NEUROD1: variants seen among roughly 807,000 people sequenced by gnomAD.
NEUROD1 encodes neuronal differentiation 1, also known as neurogenic differentiation factor 1.
In NEUROD1, 9 loss-of-function variants were observed where a neutral mutation model predicts 21.8. That is an observed-to-expected ratio of 0.41 (90% CI 0.25 to 0.72). The LOEUF (loss-of-function observed/expected upper bound fraction) is 0.72. Among genes scored for constraint, NEUROD1 ranks in the 30% least tolerant of loss-of-function variants. The pLI is 0.31. For synonymous variants in NEUROD1, 199 were observed against 186.2 expected, an observed-to-expected ratio of 1.07 and a Z score of -0.56; for missense variants, 434 against 468.8, an observed-to-expected ratio of 0.93 and a Z score of 0.69.
downstream of NEUROD1, among the ~76,000 whole-genome samples, chr2:181,671,596 A>G (rs1392914019): frequency 6.6e-6 from 1 of 151,792 alleles, no homozygotes; most frequent in African/African-American, 2.4e-5. Flanking sequence ...ATGCACCACT[A>G]GTTTTTGTAT....
In NEUROD1 at chr2:181,678,075, A is replaced by T. The variant is rs1308365461; in HGVS notation, c.786T>A (p.Thr262=). Reference sequence around the variant, plus strand: ...CATCAAAGGAAGGGCTGGTGCAATCAGTCAGAGGGCTTTCAAAGAAGGGCT... The same window carrying T: ...CATCAAAGGAAGGGCTGGTGCAATCTGTCAGAGGGCTTTCAAAGAAGGGCT... The part of the protein sequence containing the change: ...ALEPFFESPL[T]DCTSPSFDGP... The change falls in exon 2 of 2, where the codon ACT becomes ACA. Residue 262 remains threonine (T), a synonymous_variant. Transcript: ENST00000295108. This position sits in a 1 kb window ranked among gnomAD's most constrained non-coding sequence, Gnocchi z 5.5. 3.1e-6 allele frequency: 5 copies of T among 1,614,236 alleles called. No homozygotes were observed. Among genetic ancestry groups the T allele is most frequent in the South Asian group, 1.1e-5 (1 of 91,088 alleles).
downstream of NEUROD1, among the ~76,000 whole-genome samples, chr2:181,670,246 G>A (rs1688479366): frequency 1.3e-5 from 2 of 152,072 alleles, no homozygotes; most frequent in African/African-American, 4.8e-5. Flanking sequence ...ATTACCCATA[G>A]TTTATTGGCT....
chr2:181,678,369 G>A lies in NEUROD1; in HGVS notation c.492C>T (p.Asp164=), dbSNP rs116304177. 6.2e-7 allele frequency: 1 copy of A among 1,614,226 alleles called. No homozygotes were observed. Among genetic ancestry groups the A allele is most frequent in the African/African-American group, 1.3e-5 (1 of 75,060 alleles). The change falls in exon 2 of 2, where the codon GAC becomes GAT. Residue 164 remains aspartate (D), a synonymous_variant. Transcript: ENST00000295108. The surrounding 1 kb of genome is among the most constrained non-coding windows in gnomAD (Gnocchi z 5.5). ...SEILRSGKSP[D]LVSFVQTLCK... is the part of the protein sequence containing the mutation. ...AAAGCGTCTGAACGAAGGAGACCAG[G>A]TCTGGGCTTTTGCCTGAGCGCAGGA...
downstream of NEUROD1, among the ~76,000 whole-genome samples, chr2:181,676,159 T>C (rs1688565314): frequency 6.6e-6 from 1 of 152,160 alleles, no homozygotes; most frequent in Non-Finnish European, 1.5e-5. Flanking sequence ...GTAACAATCA[T>C]TTTTAAAAAT....
rs1428582344 is a variant in NEUROD1, at chr2:181,678,931, G to A, written c.-11-60C>T. The A allele has an allele frequency of 1.0e-5, 16 of 1,591,400 alleles. No individual in the cohort carries two copies. The highest frequency in any genetic ancestry group is 1.3e-5 in the Non-Finnish European group (15 of 1,168,526). ...AAGCAGAAAAACGCTATATTCAAAA[G>A]CCAGATACGCCTTCAGCTTCCACTC... On this transcript the variant is annotated intron_variant, in intron 1 of 1. Coordinates refer to ENST00000295108, the MANE Select transcript of NEUROD1 (RefSeq NM_002500.5). This position sits in a 1 kb window ranked among gnomAD's most constrained non-coding sequence, Gnocchi z 5.5.
downstream of NEUROD1, among the ~76,000 whole-genome samples, chr2:181,672,171 C>T (rs1458538222): frequency 6.6e-6 from 1 of 151,976 alleles, no homozygotes; most frequent in Non-Finnish European, 1.5e-5. Flanking sequence ...CAATTGATAT[C>T]AATAAAAAGA....
rs1688675577 is a variant in NEUROD1, at chr2:181,680,454, A to T, written c.-36T>A. 6.6e-6 allele frequency: 1 copy of T among 152,282 alleles called. No homozygotes were observed. Among genetic ancestry groups the T allele is most frequent in the Non-Finnish European group, 1.5e-5 (1 of 68,066 alleles). 9.4% of individuals were successfully genotyped at this position (152,282 alleles called of 1,614,324 possible). On this transcript the variant is annotated 5_prime_UTR_variant, in exon 1 of 2. Transcript: ENST00000295108. ...CCTTTGTTGTTAGTAGGTCCTGAGC[A>T]GTGATAGTCTCATAACCCTGGGGCC...
rs1327129327 is a variant in NEUROD1 at position 181,671,228 on chromosome 2, CTTATGTTA to C, written n.2710_2717del. On this transcript the variant is annotated non_coding_transcript_exon_variant, in exon 2 of 2. Coordinates refer to the NEUROD1 transcript ENST00000496876. Reference sequence around the variant, plus strand: ...ATCATTAATTTATTTATCCAAAAATCTTATGTTATTTTAAGGTATCTAAACAAGTAGCC... The same window carrying C: ...ATCATTAATTTATTTATCCAAAAATCTTTTAAGGTATCTAAACAAGTAGCC... Among the ~76,000 whole-genome samples, 17 of 152,104 alleles carry C rather than the reference CTTATGTTA, an allele frequency of 1.1e-4. 1 individual carries two copies. The East Asian group carries it at 3.1e-3, about 28-fold the overall frequency.
At position 181,677,197 on chromosome 2, in the gene NEUROD1, CT is replaced by C. The variant is rs1688595368; in HGVS notation, c.*592del. 1 of 122,642 alleles carries C rather than the reference CT, an allele frequency of 8.2e-6. No individual in the cohort carries two copies. Among genetic ancestry groups the C allele is most frequent in the African/African-American group, 3.1e-5 (1 of 32,558 alleles). The allele number at this position is 122,642 out of a possible 1,614,324, so 7.6% of individuals were successfully genotyped here. A position where few individuals can be genotyped will look rare whatever the true frequency, so the allele number is the denominator to read the frequency against. On this transcript the variant is annotated 3_prime_UTR_variant, in exon 2 of 2. Coordinates refer to ENST00000295108, the MANE Select transcript of NEUROD1 (RefSeq NM_002500.5). ...AGGCAACACAATAACTTTCTAAGCA[CT>C]TTTCTGCTGGTTTAAATTAGTTAAA... is the stretch of plus-strand genomic sequence containing the variant.
At chr2:181,672,832 G>T (rs952017576), downstream of NEUROD1, among the ~76,000 whole-genome samples, 10 of 152,250 alleles carry the variant, frequency 6.6e-5, no homozygotes, top group Non-Finnish European at 1.5e-4. Context: ...TTAGCAGTGG[G>T]CTAGTGTGTG....
downstream of NEUROD1, among the ~76,000 whole-genome samples, chr2:181,668,850 A>G (rs879839537): frequency 6.6e-6 from 1 of 152,168 alleles, no homozygotes; most frequent in Non-Finnish European, 1.5e-5. Context: ...ATGAGTCTTG[A>G]TGAAACTTTC....
Position 181,677,835 on chromosome 2 carries a change from A to G in NEUROD1, c.1026T>C (p.His342=), listed in dbSNP as rs1457358271. The G allele has an allele frequency of 2.5e-6, 4 of 1,614,184 alleles. No homozygotes were observed. Among genetic ancestry groups the G allele is most frequent in the Non-Finnish European group, 3.4e-6 (4 of 1,180,030 alleles). The part of the protein sequence containing the change: ...NIMSFDSHSH[H]ERVMSAQLNA... ...TGAGCTGGGCACTCATGACTCGCTC[A>G]TGATGTGAATGGCTATCGAAGGACA... Residue 342 remains histidine, a synonymous_variant, in exon 2 of 2, where the codon CAT becomes CAC. Coordinates refer to ENST00000295108, the MANE Select transcript of NEUROD1 (RefSeq NM_002500.5).
chr2:181,677,631 CTTCCAAAGGCA>C lies in NEUROD1; in HGVS notation c.*148_*158del. On this transcript the variant is annotated 3_prime_UTR_variant, in exon 2 of 2. Coordinates refer to ENST00000295108, the MANE Select transcript of NEUROD1 (RefSeq NM_002500.5). ...GAACAGGAACTTTGATCCCCTGTTT[CTTCCAAAGGCA>C]GTAATGACAATAAATACATATATCA... is the stretch of plus-strand genomic sequence containing the variant. The C allele has an allele frequency of 7.5e-7, 1 of 1,324,616 alleles. No homozygotes were observed. The highest frequency in any genetic ancestry group is 1.0e-6 in the Non-Finnish European group (1 of 961,318). 82.1% of individuals were successfully genotyped at this position (1,324,616 alleles called of 1,614,324 possible). A position where few individuals can be genotyped will look rare whatever the true frequency, so the allele number is the denominator to read the frequency against.
At chr2:181,673,077 T>A (rs1292852474), downstream of NEUROD1, 1 of 152,212 alleles carries the variant, frequency 6.6e-6, no homozygotes, top group African/African-American at 2.4e-5. Context: ...AACATAATAA[T>A]GCTTAGATGG....
At chr2:181,679,009 G>T in intron 1 of NEUROD1, 138 bp from the exon 2 acceptor site, 1 of 1,039,924 alleles carries the variant, frequency 9.6e-7, no homozygotes, top group Non-Finnish European at 1.4e-6. Flanking sequence ...CAAAATGAAT[G>T]CCTCTGAGAA....
chr2:181,678,277 A>G lies in NEUROD1; in HGVS notation c.584T>C (p.Phe195Ser), dbSNP rs756482679. ...AGCLQLNPRT[F>S]LPEQNQDMPP... Reference sequence around the variant, plus strand: ...CATGTCCTGGTTCTGCTCAGGCAGAAAAGTCCGAGGATTGAGTTGCAGGCA... The same window carrying G: ...CATGTCCTGGTTCTGCTCAGGCAGAGAAGTCCGAGGATTGAGTTGCAGGCA... Residue 195 changes from phenylalanine to serine, a missense_variant, in exon 2 of 2, where the codon TTT (phenylalanine) becomes TCT (serine). By Grantham distance (155) the Phe-to-Ser change is radical (BLOSUM62 -2). Coordinates refer to ENST00000295108, the MANE Select transcript of NEUROD1 (RefSeq NM_002500.5). The surrounding 1 kb of genome is among the most constrained non-coding windows in gnomAD (Gnocchi z 5.5). 3.1e-6 allele frequency: 5 copies of G among 1,614,028 alleles called. No individual in the cohort carries two copies. Among genetic ancestry groups the G allele is most frequent in the African/African-American group, 1.3e-5 (1 of 74,932 alleles).
At position 181,678,193 on chromosome 2, in the gene NEUROD1, G is replaced by C; in HGVS notation, c.668C>G (p.Ser223Trp). The C allele has an allele frequency of 6.2e-7, 1 of 1,614,148 alleles. No homozygotes were observed. The highest frequency in any genetic ancestry group is 2.2e-5 in the East Asian group (1 of 44,868). Residue 223 changes from serine to tryptophan, a missense_variant, in exon 2 of 2, where the codon TCG becomes TGG. Transcript: ENST00000295108. The surrounding 1 kb of genome is among the most constrained non-coding windows in gnomAD (Gnocchi z 5.5). ...GTAAGGCGGACTGGGCAGCCCAGGC[G>C]ACTGGTAGGAGTAGGGGTGTACAGG... The part of the protein sequence containing the change: ...SFPVHPYSYQ[S>W]PGLPSPPYGT...
downstream of NEUROD1, among the ~76,000 whole-genome samples, chr2:181,669,197 C>T (rs1184347477): frequency 1.3e-5 from 2 of 152,120 alleles, no homozygotes; most frequent in African/African-American, 4.8e-5. Context: ...CAAAGCCTCT[C>T]TTGTATCAGG....
In NEUROD1 at chr2:181,677,975, T is replaced by G. The variant is rs533744326; in HGVS notation, c.886A>C (p.Asn296His). ...KHEPSAEFEK[N>H]YAFTMHYPAA... ...GGATAGTGCATGGTAAAGGCATAAT[T>G]TTTCTCAAACTCGGCGGACGGTTCG... Residue 296 changes from asparagine (N) to histidine (H), a missense_variant, in exon 2 of 2, where the codon AAT (asparagine) becomes CAT (histidine). Physicochemically the swap from Asn to His is moderately conservative, Grantham distance 68. Transcript: ENST00000295108. The G allele has an allele frequency of 2.5e-6, 4 of 1,614,180 alleles. No individual in the cohort carries two copies. The East Asian group carries it at 6.7e-5, about 27-fold the overall frequency.
Sources: gnomAD v4.1 joint callset for allele counts (sites outside exome capture counted in the v4.1 genomes callset) on GRCh38, gnomAD v4.1.1 for gene constraint, Gnocchi (gnomAD v3.1) non-coding constraint, MANE v1.5 for transcripts, NCBI Gene and HGNC (gene_info 2026-07-23, HGNC 2026-07-21) for gene names.